Variants in KHDRBS2 observed in about 807,000 individuals in gnomAD.
KHDRBS2 encodes the protein KH domain-containing, RNA-binding, signal transduction-associated protein 2.
In KHDRBS2, 26 loss-of-function variants were observed where a neutral mutation model predicts 44.3. The ratio of observed to expected loss-of-function variants is 0.59; its 90% CI spans 0.43 to 0.81. The LOEUF is 0.81. KHDRBS2 is among the 40% of genes least tolerant of loss of function. KHDRBS2 has a pLI of 0.00. For synonymous variants in KHDRBS2, 194 were observed against 151.1 expected (o/e 1.28, Z -2.08); for missense variants, 476 against 433.1 (o/e 1.10, Z -0.88).
chr6:61,784,785 T>A (rs1308690312), intron 6 of KHDRBS2, among the ~76,000 whole-genome samples: 1 of 152,172 alleles, frequency 6.6e-6, no homozygotes, highest in African/African-American at 2.4e-5. Flanking sequence ...ACAGTAATGT[T>A]AGTGTTTCAT....
At chr6:61,630,012 G>C in the KHDRBS2 span, among the ~76,000 whole-genome samples, 1 of 152,110 alleles carries the variant, frequency 6.6e-6, no homozygotes, top group South Asian at 2.1e-4. Context: ...AGGTTTGTGG[G>C]TCAATACGCA....
chr6:62,017,291 A>G (rs1351649864), intron 3 of KHDRBS2, among the ~76,000 whole-genome samples: 1 of 152,152 alleles, frequency 6.6e-6, no homozygotes, highest in Non-Finnish European at 1.5e-5. Flanking sequence ...GACATGATGG[A>G]ATATTTAGAC....
chr6:62,183,889 A>C (rs966036803), intron 1 of KHDRBS2, among the ~76,000 whole-genome samples: 22 of 151,660 alleles, frequency 1.5e-4, no homozygotes, highest in Non-Finnish European at 8.9e-5. Flanking sequence ...AACTTTAACT[A>C]TTTTACAAAT....
chr6:61,822,589 G>A (rs1040480973), intron 6 of KHDRBS2, among the ~76,000 whole-genome samples: 1 of 151,924 alleles, frequency 6.6e-6, no homozygotes, highest in African/African-American at 2.4e-5. Flanking sequence ...GGTTTTCCAT[G>A]ATTCTTAGGA....
chr6:61,934,506 C>A (rs534057769), intron 4 of KHDRBS2, among the ~76,000 whole-genome samples: 1 of 152,094 alleles, frequency 6.6e-6, no homozygotes, highest in African/African-American at 2.4e-5. Context: ...TATAAACATA[C>A]CCAATAAATA....
In KHDRBS2 at chr6:61,743,608, G is replaced by C. The variant is rs1776449400; in HGVS notation, c.811-10844C>G. On this transcript the variant is annotated intron_variant, in intron 6 of 8. Coordinates refer to ENST00000281156, the MANE Select transcript of KHDRBS2 (RefSeq NM_152688.4). Reference sequence around the variant, plus strand: ...TTGTATTATATTTGTAAAAATCAGTGTTTTATCCTTATTTTATTTTTTTAA... The same window carrying C: ...TTGTATTATATTTGTAAAAATCAGTCTTTTATCCTTATTTTATTTTTTTAA... 2.0e-5 allele frequency among the ~76,000 whole-genome samples: 3 copies of C among 151,790 alleles called. No individual in the cohort carries two copies. In the South Asian group the frequency reaches 6.2e-4, roughly 32 times the overall value.
intron 1 of KHDRBS2, among the ~76,000 whole-genome samples, chr6:62,256,619 G>T (rs1837433073): frequency 6.6e-6 from 1 of 151,966 alleles, no homozygotes; most frequent in South Asian, 2.1e-4. Context: ...GCCCAGTCTT[G>T]GGTATGCCTT....
intron 3 of KHDRBS2, among the ~76,000 whole-genome samples, chr6:62,014,164 T>C (rs1188096802): frequency 6.6e-6 from 1 of 152,192 alleles, no homozygotes; most frequent in Admixed American, 6.5e-5. Context: ...TTAGTTATTC[T>C]CCATCTAATT....
intron 2 of KHDRBS2, among the ~76,000 whole-genome samples, chr6:62,161,219 T>C (rs1817549389): frequency 6.6e-6 from 1 of 152,026 alleles, no homozygotes. Context: ...TTTGAATCAC[T>C]TTTAAAAATC....
At chr6:62,251,147 G>A (rs1286559743) in intron 1 of KHDRBS2, among the ~76,000 whole-genome samples, 2 of 151,642 alleles carry the variant, frequency 1.3e-5, no homozygotes, top group African/African-American at 4.8e-5. Context: ...TAACTTATAA[G>A]TTATATTGAA....
At chr6:61,643,619 C>T in the KHDRBS2 span, among the ~76,000 whole-genome samples, 2 of 152,060 alleles carry the variant, frequency 1.3e-5, no homozygotes, top group African/African-American at 4.8e-5. Flanking sequence ...AGTTTCAGGA[C>T]ATGAAATCAA....
At chr6:62,098,462 T>C (rs1258428845) in intron 2 of KHDRBS2, among the ~76,000 whole-genome samples, 1 of 151,888 alleles carries the variant, frequency 6.6e-6, no homozygotes, top group Non-Finnish European at 1.5e-5. Flanking sequence ...TTTGACTATA[T>C]CATCACACTC....
chr6:61,650,815 T>C, the KHDRBS2 span, among the ~76,000 whole-genome samples: 1 of 152,080 alleles, frequency 6.6e-6, no homozygotes, highest in African/African-American at 2.4e-5. Context: ...TCATTAGGTG[T>C]CTAGAAGATG....
At chr6:62,186,661 G>C (rs1016936080) in intron 1 of KHDRBS2, among the ~76,000 whole-genome samples, 1 of 151,912 alleles carries the variant, frequency 6.6e-6, no homozygotes, top group Non-Finnish European at 1.5e-5. Context: ...GTATAAATTT[G>C]CTGAAACTAT....
At chr6:61,737,344 T>C (rs1775523608) in intron 6 of KHDRBS2, among the ~76,000 whole-genome samples, 1 of 152,090 alleles carries the variant, frequency 6.6e-6, no homozygotes, top group Non-Finnish European at 1.5e-5. Flanking sequence ...GGACAGTAAA[T>C]GGGCATATTT....
At chr6:62,135,106 C>T (rs1392533519) in intron 2 of KHDRBS2, among the ~76,000 whole-genome samples, 1 of 152,138 alleles carries the variant, frequency 6.6e-6, no homozygotes, top group Non-Finnish European at 1.5e-5. Context: ...TGTGTCCCAA[C>T]CCAAATCTCA....
At chr6:61,608,009 C>T in the KHDRBS2 span, among the ~76,000 whole-genome samples, 40 of 152,046 alleles carry the variant, frequency 2.6e-4, no homozygotes, top group African/African-American at 8.7e-4. Context: ...TTAATGTAGC[C>T]AATGATTTAC....
intron 6 of KHDRBS2, among the ~76,000 whole-genome samples, chr6:61,774,332 T>G (rs2127578302): frequency 6.6e-6 from 1 of 151,890 alleles, no homozygotes; most frequent in African/African-American, 2.4e-5. Flanking sequence ...AGCAGTGTAG[T>G]TCTCCTTGAA....
chr6:62,253,476 C>G (rs1836875201), intron 1 of KHDRBS2, among the ~76,000 whole-genome samples: 1 of 151,792 alleles, frequency 6.6e-6, no homozygotes, highest in East Asian at 1.9e-4. Flanking sequence ...CTCTATTCCC[C>G]CTGCAACCCT....
Sources: gnomAD v4.1 joint callset for allele counts (sites outside exome capture counted in the v4.1 genomes callset) on GRCh38, gnomAD v4.1.1 for gene constraint, MANE v1.5 for transcripts, NCBI Gene and HGNC (gene_info 2026-07-23, HGNC 2026-07-21) for gene names.